Variants in NELL1 observed in about 807,000 individuals in gnomAD.
NELL1 encodes the protein neural EGFL like 1, also known as protein kinase C-binding protein NELL1.
A neutral mutation model predicts 107.4 loss-of-function variants in NELL1; 76 were observed. The ratio of observed to expected loss-of-function variants is 0.71; its 90% confidence interval spans 0.59 to 0.86. NELL1 has a LOEUF of 0.86. NELL1 is among the 40% of genes least tolerant of loss of function. NELL1 has a pLI of 0.00. For synonymous variants in NELL1, 353 were observed against 341.2 expected, an observed-to-expected ratio of 1.03 and a Z score of -0.38; for missense variants, 1,024 against 1,005.5, an observed-to-expected ratio of 1.02 and a Z score of -0.25.
chr11:20,944,784 A>G (rs920135265), intron 10 of NELL1, among the ~76,000 whole-genome samples: 1 of 152,212 alleles, frequency 6.6e-6, no homozygotes, highest in African/African-American at 2.4e-5. Flanking sequence ...AATTCATGCA[A>G]AAAGGTTTGT....
At chr11:21,116,611 C>G (rs561121082) in intron 13 of NELL1, among the ~76,000 whole-genome samples, 2 of 152,030 alleles carry the variant, frequency 1.3e-5, no homozygotes, top group Non-Finnish European at 2.9e-5. Context: ...GCAAAAGCAC[C>G]ATTTACCCAA....
intron 2 of NELL1, among the ~76,000 whole-genome samples, chr11:20,727,863 C>A (rs1227831282): frequency 6.6e-6 from 1 of 152,108 alleles, no homozygotes; most frequent in Non-Finnish European, 1.5e-5. Context: ...GTTTTAAATT[C>A]TTTGAGAAAT....
intron 5 of NELL1, among the ~76,000 whole-genome samples, chr11:20,914,020 T>C (rs1850191802): frequency 6.6e-6 from 1 of 152,108 alleles, no homozygotes; most frequent in African/African-American, 2.4e-5. Flanking sequence ...ACAAGACCTC[T>C]TTGTAGCAAC....
At chr11:21,145,027 C>T (rs1855947016) in intron 13 of NELL1, among the ~76,000 whole-genome samples, 1 of 152,122 alleles carries the variant, frequency 6.6e-6, no homozygotes, top group Non-Finnish European at 1.5e-5. Flanking sequence ...AATACTACCA[C>T]ATAGGGTTGT....
intron 4 of NELL1, among the ~76,000 whole-genome samples, chr11:20,881,883 A>G (rs1849415495): frequency 6.6e-6 from 1 of 152,246 alleles, no homozygotes; most frequent in Non-Finnish European, 1.5e-5. Context: ...GCACAGTGTC[A>G]TACACATTGC....
intron 13 of NELL1, among the ~76,000 whole-genome samples, chr11:21,134,547 G>A (rs7937535): frequency 0.41 from 62,461 of 151,982 alleles, 13,100 homozygotes; most frequent in South Asian, 0.48. Context: ...GATTTTAACA[G>A]TTCTGATAAT....
intron 14 of NELL1, among the ~76,000 whole-genome samples, chr11:21,294,014 C>A (rs185024162): frequency 1.3e-5 from 2 of 152,048 alleles, no homozygotes; most frequent in African/African-American, 2.4e-5. Context: ...CACTATTCCA[C>A]GTGTATACTT....
intron 13 of NELL1, among the ~76,000 whole-genome samples, chr11:21,146,776 CTCATGCCTGTAA>C (rs1855988371): frequency 6.6e-6 from 1 of 151,112 alleles, no homozygotes; most frequent in South Asian, 2.1e-4. Flanking sequence ...GGTGCGGTGA[CTCATGCCTGTAA>C]TCCCAGCACT....
chr11:21,318,758 A>G lies in NELL1; in HGVS notation c.1550-52095A>G, dbSNP rs1180323312. ...AATAAGTGATGGGTTAATTTTCCTA[A>G]TAAGACATTTTTTCTTTCTGTTGTG... On this transcript the variant is annotated intron_variant, in intron 14 of 19. Coordinates refer to ENST00000357134, the MANE Select transcript of NELL1 (RefSeq NM_006157.5). Among the ~76,000 whole-genome samples the G allele has an allele frequency of 3.9e-5, 6 of 151,968 alleles. 1 individual carries two copies. The highest frequency in any genetic ancestry group is 7.3e-5 in the African/African-American group (3 of 41,240).
intron 12 of NELL1, among the ~76,000 whole-genome samples, chr11:21,099,234 A>AACACACACACACACAC (rs1554967542): frequency 3.1e-5 from 2 of 64,040 alleles, no homozygotes; most frequent in South Asian, 4.0e-4. Context: ...CACACACACA[A>AACACACACACACACAC]ACACACACAC....
chr11:20,834,705 A>C (rs749677027), intron 3 of NELL1, among the ~76,000 whole-genome samples: 4,560 of 152,062 alleles, frequency 0.03, 86 homozygotes, highest in Middle Eastern at 0.055. Context: ...CGTCTCAAAA[A>C]AAAAAACAAA....
intron 13 of NELL1, among the ~76,000 whole-genome samples, chr11:21,143,724 G>C (rs1855916745): frequency 6.6e-6 from 1 of 152,170 alleles, no homozygotes. Context: ...TTGTGCAGTA[G>C]TAAGTCAGGA....
chr11:21,321,567 C>T (rs1850011638), intron 14 of NELL1, among the ~76,000 whole-genome samples: 1 of 152,166 alleles, frequency 6.6e-6, no homozygotes, highest in African/African-American at 2.4e-5. Flanking sequence ...ATTATAATAA[C>T]AGACACTGAT....
chr11:21,311,073 C>T (rs1452766797), intron 14 of NELL1, among the ~76,000 whole-genome samples: 1 of 152,046 alleles, frequency 6.6e-6, no homozygotes, highest in Non-Finnish European at 1.5e-5. Flanking sequence ...GCTTTACTGG[C>T]TTCTCATAGT....
Position 21,493,407 on chromosome 11 carries a change from G to T in NELL1, c.1646-40967G>T, listed in dbSNP as rs553797986. 2.4e-4 allele frequency among the ~76,000 whole-genome samples: 36 copies of T among 152,068 alleles called. No homozygotes were observed. In the South Asian group the frequency reaches 7.2e-3, roughly 31 times the overall value. ...CACTATGAAGTACTATTTCTCCATA[G>T]AAAAGAATGAAATCATGTAATTTGA... On this transcript the variant is annotated intron_variant, in intron 15 of 19. Transcript: ENST00000357134.
At chr11:20,784,450 G>C (rs1220065760) in intron 3 of NELL1, among the ~76,000 whole-genome samples, 1 of 152,196 alleles carries the variant, frequency 6.6e-6, no homozygotes, top group Non-Finnish European at 1.5e-5. Flanking sequence ...ATTTCAGAAA[G>C]AGGTTGCTAT....
At chr11:20,700,814 C>T (rs1854760016) in intron 2 of NELL1, among the ~76,000 whole-genome samples, 1 of 149,322 alleles carries the variant, frequency 6.7e-6, no homozygotes, top group South Asian at 2.1e-4. Flanking sequence ...CAGTTTCATC[C>T]ATGTCCCTAC....
intron 14 of NELL1, among the ~76,000 whole-genome samples, chr11:21,329,695 T>A (rs1054805074): frequency 6.6e-6 from 1 of 152,166 alleles, no homozygotes; most frequent in African/African-American, 2.4e-5. Context: ...TGCTTTTTTG[T>A]GTAATGTTTT....
intron 15 of NELL1, among the ~76,000 whole-genome samples, chr11:21,423,074 T>G (rs1003408101): frequency 3.0e-4 from 46 of 152,016 alleles, no homozygotes; most frequent in Non-Finnish European, 5.4e-4. Flanking sequence ...TTTAAAAATT[T>G]TATAAAAGGT....
Sources: gnomAD v4.1 joint callset for allele counts (sites outside exome capture counted in the v4.1 genomes callset) on GRCh38, gnomAD v4.1.1 for gene constraint, MANE v1.5 for transcripts, NCBI Gene and HGNC (gene_info 2026-07-23, HGNC 2026-07-21) for gene names.